The following UNC80 variants were observed in gnomAD, a reference collection of about 807,000 sequenced individuals.
UNC80 encodes unc-80 subunit of NALCN channel complex.
Under a neutral mutation model 384.6 loss-of-function variants are expected in UNC80, and 164 were observed. That is an observed-to-expected ratio of 0.43 (90% CI 0.38 to 0.49). UNC80 has a LOEUF of 0.49. UNC80 is among the 20% of genes least tolerant of loss of function. The pLI, the probability that UNC80 is intolerant of heterozygous loss-of-function variation, is 0.00. For missense variants in UNC80, 3,330 were observed against 4,143.0 expected (o/e 0.80, Z 5.39); for synonymous variants, 1,486 against 1,527.8 (o/e 0.97, Z 0.64).
chr2:209,973,141 A>G lies in UNC80; in HGVS notation c.8458A>G (p.Ile2820Val). Reference sequence around the variant, plus strand: ...CAATGTACTCCTCCCACCGCGGATCATCAGCACATCCAGGAGCAAGAACTT... The same window carrying G: ...CAATGTACTCCTCCCACCGCGGATCGTCAGCACATCCAGGAGCAAGAACTT... ...VINVLLPPRI[I>V]STSRSKNFML... The change falls in exon 56 of 65, where the codon ATC becomes GTC. Residue 2820 changes from isoleucine to valine, a missense_variant. Physicochemically the swap from Ile to Val is conservative, Grantham distance 29 (BLOSUM62 3). Coordinates refer to ENST00000673920, the MANE Select transcript of UNC80 (RefSeq NM_001371986.1). 2 of 1,551,650 alleles carry G rather than the reference A, an allele frequency of 1.3e-6. No individual in the cohort carries two copies. The highest frequency in any genetic ancestry group is 1.7e-6 in the Non-Finnish European group (2 of 1,147,000).
At chr2:209,983,903 A>C in intron 60 of UNC80, among the ~76,000 whole-genome samples, 1 of 152,146 alleles carries the variant, frequency 6.6e-6, no homozygotes, top group East Asian at 1.9e-4. Context: ...AGGTAATAAT[A>C]CTGTCTCTGT....
chr2:209,771,932 A>C lies in UNC80; in HGVS notation c.-141A>C. 1 of 645,076 alleles carries C rather than the reference A, an allele frequency of 1.6e-6. No homozygotes were observed. The highest frequency in any genetic ancestry group is 2.9e-6 in the Non-Finnish European group (1 of 346,206). The allele number at this position is 645,076 out of a possible 1,614,324, so 40.0% of individuals were successfully genotyped here. A position where few individuals can be genotyped will look rare whatever the true frequency, so the allele number is the denominator to read the frequency against. On this transcript the variant is annotated 5_prime_UTR_variant, in exon 1 of 65. Transcript: ENST00000673920. ...GGAGGGGTGGGGGGAGGGGAGAGGC[A>C]CGGGGGATCAGGGCGGAGAGAGCCG...
chr2:209,857,829 G>A (rs1298638738), intron 22 of UNC80, among the ~76,000 whole-genome samples: 1 of 152,004 alleles, frequency 6.6e-6, no homozygotes, highest in Non-Finnish European at 1.5e-5. Flanking sequence ...ATATATGTGT[G>A]TGTTTTAATT....
At chr2:209,876,519 T>A (rs1374515133) in intron 23 of UNC80, among the ~76,000 whole-genome samples, 1 of 152,178 alleles carries the variant, frequency 6.6e-6, no homozygotes, top group Non-Finnish European at 1.5e-5. Flanking sequence ...TGAGCAGCCC[T>A]TTAAGCTTTA....
intron 28 of UNC80, among the ~76,000 whole-genome samples, chr2:209,899,220 G>A (rs1296267764): frequency 1.3e-5 from 2 of 152,074 alleles, no homozygotes; most frequent in Non-Finnish European, 2.9e-5. Context: ...AAATTATAGA[G>A]GTGCAGTGGT....
chr2:209,814,927 C>T (rs947446610), intron 8 of UNC80, among the ~76,000 whole-genome samples: 2 of 151,896 alleles, frequency 1.3e-5, no homozygotes, highest in African/African-American at 4.8e-5. Context: ...TGGATATCTG[C>T]TTTACTGAAT....
At chr2:209,975,828 T>C (rs1033615088) in intron 56 of UNC80, among the ~76,000 whole-genome samples, 6 of 152,218 alleles carry the variant, frequency 3.9e-5, no homozygotes, top group Non-Finnish European at 7.3e-5. Context: ...ACATTTTCCT[T>C]TCAATTCAGT....
chr2:209,886,497 A>G (rs971044192), intron 25 of UNC80, among the ~76,000 whole-genome samples: 1 of 152,194 alleles, frequency 6.6e-6, no homozygotes, highest in Admixed American at 6.5e-5. Context: ...TTCACAGGAC[A>G]AGTCAAATTC....
chr2:209,805,827 C>G (rs1380741067), intron 7 of UNC80, among the ~76,000 whole-genome samples: 1 of 152,134 alleles, frequency 6.6e-6, no homozygotes, highest in Non-Finnish European at 1.5e-5. Context: ...CTCTTTGGAT[C>G]ACACCAACTA....
At chr2:209,929,735 G>A (rs113855139) in intron 36 of UNC80, 136 bp from the exon 37 acceptor site, 17 of 576,764 alleles carry the variant, frequency 2.9e-5, no homozygotes, top group African/African-American at 5.9e-5. Context: ...AAACACCTAC[G>A]TTGCAAAAGA....
At position 209,820,416 on chromosome 2, in the gene UNC80, C is replaced by G. The variant is rs538066664; in HGVS notation, c.2068C>G (p.Pro690Ala). The change falls in exon 13 of 65, where the codon CCC becomes GCC. Residue 690 changes from proline (P) to alanine (A), a missense_variant. Around this residue, in one of 8 missense-constraint regions of UNC80, gnomAD observed 937 missense variants for 1,026.8 expected, o/e 0.91. Coordinates refer to ENST00000673920, the MANE Select transcript of UNC80 (RefSeq NM_001371986.1). ...VECLLQLGVV[P>A]CVEKNRKKSE... is the part of the protein sequence containing the mutation. ...ATGCTTGCTTCAACTTGGTGTGGTGCCCTGTGTAGAAAAGAATAGAAAGAA... is the reference window on the plus strand; with the variant it reads ...ATGCTTGCTTCAACTTGGTGTGGTGGCCTGTGTAGAAAAGAATAGAAAGAA... The G allele has an allele frequency of 1.3e-6, 2 of 1,551,662 alleles. No homozygotes were observed. The highest frequency in any genetic ancestry group is 8.7e-7 in the Non-Finnish European group (1 of 1,146,988).
At chr2:209,786,978 AGCATATATAT>A (rs1232134832) in intron 5 of UNC80, among the ~76,000 whole-genome samples, 2 of 92,350 alleles carry the variant, frequency 2.2e-5, no homozygotes, top group African/African-American at 4.2e-5. Flanking sequence ...AATCTACAGA[AGCATATATAT>A]ATATATATAT....
At chr2:209,964,785 C>CAAA (rs1299831479) in intron 51 of UNC80, among the ~76,000 whole-genome samples, 2 of 57,570 alleles carry the variant, frequency 3.5e-5, no homozygotes, top group Admixed American at 1.9e-4. Flanking sequence ...GACTCTGTCT[C>CAAA]AAAAAAAAAA....
At chr2:209,889,983 C>A (rs1170093116) in intron 26 of UNC80, among the ~76,000 whole-genome samples, 4 of 152,082 alleles carry the variant, frequency 2.6e-5, no homozygotes, top group Non-Finnish European at 5.9e-5. Context: ...CAGGTGTGAG[C>A]CAACGTGCCC....
At chr2:209,828,776 C>A (rs575255865) in intron 14 of UNC80, among the ~76,000 whole-genome samples, 1 of 152,286 alleles carries the variant, frequency 6.6e-6, no homozygotes, top group South Asian at 2.1e-4. Context: ...GTCATTGTCC[C>A]ATTTCATTCC....
At chr2:209,909,365 G>A (rs2124936825) in intron 29 of UNC80, among the ~76,000 whole-genome samples, 1 of 152,292 alleles carries the variant, frequency 6.6e-6, no homozygotes, top group East Asian at 1.9e-4. Flanking sequence ...ACTAGGGACA[G>A]GAAAAGAAAC....
intron 48 of UNC80, among the ~76,000 whole-genome samples, chr2:209,956,784 C>A (rs1169833974): frequency 6.6e-6 from 1 of 151,928 alleles, no homozygotes; most frequent in Non-Finnish European, 1.5e-5. Flanking sequence ...CCCCTTTTTG[C>A]CGTATAATGT....
chr2:209,955,168 G>A (rs2092352496), intron 48 of UNC80, among the ~76,000 whole-genome samples: 1 of 151,964 alleles, frequency 6.6e-6, no homozygotes, highest in African/African-American at 2.4e-5. Context: ...GCCATGCTGT[G>A]TGTCCAATCT....
chr2:209,976,156 C>T lies in UNC80; in HGVS notation c.8625C>T (p.Leu2875=), dbSNP rs755789267. 22 of 1,551,570 alleles carry T rather than the reference C, an allele frequency of 1.4e-5. No individual in the cohort carries two copies. The highest frequency in any genetic ancestry group is 1.2e-4 in the South Asian group (10 of 84,022). The part of the protein sequence containing the change: ...KVILVCFERQ[L]GSQWYWLSLQ... ...TTCTCGTCTGCTTTGAGAGGCAGCTCGGAAGCCAGTGGTACTGGCTGAGCC... is the reference window on the plus strand; with the variant it reads ...TTCTCGTCTGCTTTGAGAGGCAGCTTGGAAGCCAGTGGTACTGGCTGAGCC... Residue 2875 remains leucine (L), a synonymous_variant, in exon 57 of 65, where the codon CTC becomes CTT. Coordinates refer to ENST00000673920, the MANE Select transcript of UNC80 (RefSeq NM_001371986.1). This position sits in a 1 kb window ranked among gnomAD's most constrained non-coding sequence, Gnocchi z 4.3.
Sources: gnomAD v4.1 joint callset for allele counts (sites outside exome capture counted in the v4.1 genomes callset) on GRCh38, gnomAD v4.1.1 for gene constraint, gnomAD v4.1.1 regional missense constraint, Gnocchi (gnomAD v3.1) non-coding constraint, MANE v1.5 for transcripts, NCBI Gene and HGNC (gene_info 2026-07-23, HGNC 2026-07-21) for gene names.